MAML3: variants seen among roughly 807,000 people sequenced by gnomAD.
MAML3 encodes the protein mastermind-like protein 3.
Under a neutral mutation model 101.9 loss-of-function variants are expected in MAML3, and 27 were observed. That is an observed-to-expected ratio of 0.27 (90% CI 0.20 to 0.37). The LOEUF (loss-of-function observed/expected upper bound fraction) is 0.37. Among genes scored for constraint, MAML3 ranks in the 10% least tolerant of loss-of-function variants. MAML3 has a pLI of 1.00. For synonymous variants in MAML3, 501 were observed against 555.9 expected (o/e 0.90, Z 1.39); for missense variants, 1,316 against 1,444.9 (o/e 0.91, Z 1.45).
chr4:139,982,697 A>ATC (rs1411367045), intron 1 of MAML3, among the ~76,000 whole-genome samples: 1 of 152,158 alleles, frequency 6.6e-6, no homozygotes, highest in Non-Finnish European at 1.5e-5. Context: ...ATATGCATAC[A>ATC]TCTATATCTA....
At chr4:140,016,829 T>C (rs780134027) in intron 1 of MAML3, among the ~76,000 whole-genome samples, 13 of 152,098 alleles carry the variant, frequency 8.5e-5, no homozygotes. Context: ...GATCACAAAC[T>C]TAAATGTAAA....
intron 1 of MAML3, among the ~76,000 whole-genome samples, chr4:139,911,408 G>C (rs1732917514): frequency 6.6e-6 from 1 of 152,098 alleles, no homozygotes; most frequent in Non-Finnish European, 1.5e-5. Flanking sequence ...AGTAGAGACA[G>C]GATTTCACTG....
At chr4:139,934,251 G>A (rs1168994814) in intron 1 of MAML3, among the ~76,000 whole-genome samples, 3 of 151,958 alleles carry the variant, frequency 2.0e-5, no homozygotes, top group African/African-American at 4.8e-5. Context: ...AACTATGCAT[G>A]TGTGAATGTG....
intron 1 of MAML3, among the ~76,000 whole-genome samples, chr4:139,933,965 G>T (rs1261402000): frequency 1.3e-5 from 2 of 152,140 alleles, no homozygotes; most frequent in Non-Finnish European, 2.9e-5. Flanking sequence ...GTGTATATCT[G>T]TGAGTGTATG....
At chr4:140,123,092 GTTT>G (rs58567442) in intron 1 of MAML3, among the ~76,000 whole-genome samples, 32 of 138,202 alleles carry the variant, frequency 2.3e-4, no homozygotes, top group African/African-American at 7.3e-4. Context: ...AAGCTCTGCG[GTTT>G]TTTTTTTTTT....
intron 1 of MAML3, among the ~76,000 whole-genome samples, chr4:139,997,564 C>T (rs1389226812): frequency 6.6e-6 from 1 of 151,898 alleles, no homozygotes; most frequent in African/African-American, 2.4e-5. Context: ...CATTTCATGT[C>T]TTTTAAAGAA....
chr4:140,119,628 T>TTCCTCCCTTCCG (rs1321149810), intron 1 of MAML3, among the ~76,000 whole-genome samples: 1 of 108,306 alleles, frequency 9.2e-6, no homozygotes, highest in African/African-American at 3.2e-5. Flanking sequence ...CCTCCCTTCC[T>TTCCTCCCTTCCG]TTTTTTTTTT....
chr4:140,102,781 A>C (rs1335087432), intron 1 of MAML3, among the ~76,000 whole-genome samples: 2 of 152,096 alleles, frequency 1.3e-5, no homozygotes, highest in African/African-American at 2.4e-5. Context: ...CCTGATTACT[A>C]TCCGTGGTAC....
At chr4:139,913,834 C>T (rs1732977664) in intron 1 of MAML3, among the ~76,000 whole-genome samples, 1 of 152,152 alleles carries the variant, frequency 6.6e-6, no homozygotes, top group South Asian at 2.1e-4. Context: ...CAAGTCAAAA[C>T]ACAAGTCATA....
At chr4:139,766,132 G>A (rs146272579) in intron 2 of MAML3, among the ~76,000 whole-genome samples, 59 of 143,708 alleles carry the variant, frequency 4.1e-4, no homozygotes, top group Middle Eastern at 3.8e-3. Context: ...TGGTTGTTTC[G>A]TAAGGCACTA....
At chr4:139,897,871 C>A (rs766837375) in intron 1 of MAML3, among the ~76,000 whole-genome samples, 1 of 152,204 alleles carries the variant, frequency 6.6e-6, no homozygotes, top group Admixed American at 6.5e-5. Flanking sequence ...CGACTTACCC[C>A]GCAACCCCAC....
intron 1 of MAML3, among the ~76,000 whole-genome samples, chr4:140,074,964 A>ATT (rs1727743448): frequency 6.6e-6 from 1 of 152,180 alleles, no homozygotes; most frequent in South Asian, 2.1e-4. Flanking sequence ...AAGATATCTC[A>ATT]TTATATATAT....
chr4:140,054,756 G>A (rs1727324165), intron 1 of MAML3, among the ~76,000 whole-genome samples: 1 of 152,070 alleles, frequency 6.6e-6, no homozygotes, highest in Non-Finnish European at 1.5e-5. Flanking sequence ...CCACAGGCAG[G>A]GACCACCTTA....
intron 1 of MAML3, among the ~76,000 whole-genome samples, chr4:139,976,243 GT>G (rs533069477): frequency 1.3e-5 from 2 of 151,946 alleles, no homozygotes; most frequent in Non-Finnish European, 2.9e-5. Context: ...TGTTCTTCTG[GT>G]TTTTTTTCTT....
intron 1 of MAML3, among the ~76,000 whole-genome samples, chr4:140,043,845 C>T (rs754293970): frequency 3.9e-5 from 6 of 152,094 alleles, no homozygotes; most frequent in Non-Finnish European, 7.3e-5. Context: ...AGAAAATCAG[C>T]GAATATAAAT....
chr4:139,964,826 G>A (rs1734095084), intron 1 of MAML3, among the ~76,000 whole-genome samples: 1 of 152,040 alleles, frequency 6.6e-6, no homozygotes, highest in Non-Finnish European at 1.5e-5. Flanking sequence ...TAAATCCAGT[G>A]GTATGCTGGC....
At chr4:139,994,702 T>C (rs1278000154) in intron 1 of MAML3, among the ~76,000 whole-genome samples, 1 of 152,048 alleles carries the variant, frequency 6.6e-6, no homozygotes, top group Non-Finnish European at 1.5e-5. Flanking sequence ...AAATGGAACG[T>C]TTTTGTATAT....
chr4:139,754,729 G>A (rs144134389), intron 2 of MAML3, among the ~76,000 whole-genome samples: 196 of 152,156 alleles, frequency 1.3e-3, no homozygotes, highest in African/African-American at 4.6e-3. Flanking sequence ...AATATACAAG[G>A]GTGTCTGGAT....
chr4:139,905,981 C>G (rs1444554530), intron 1 of MAML3, among the ~76,000 whole-genome samples: 1 of 152,192 alleles, frequency 6.6e-6, no homozygotes, highest in African/African-American at 2.4e-5. Flanking sequence ...TCTTGCATGG[C>G]TGGTTAAGCA....
Sources: gnomAD v4.1 joint callset for allele counts (sites outside exome capture counted in the v4.1 genomes callset) on GRCh38, gnomAD v4.1.1 for gene constraint, MANE v1.5 for transcripts, NCBI Gene and HGNC (gene_info 2026-07-23, HGNC 2026-07-21) for gene names.